TNRC18: variants seen among roughly 807,000 people sequenced by gnomAD.
The protein encoded by TNRC18 is trinucleotide repeat containing 18, also known as trinucleotide repeat-containing gene 18 protein.
A neutral mutation model predicts 226.7 loss-of-function variants in TNRC18; 69 were observed. The ratio of observed to expected loss-of-function variants is 0.30; its 90% confidence interval spans 0.25 to 0.37. TNRC18 has a LOEUF of 0.37. TNRC18 is among the 10% of genes least tolerant of loss of function. The probability of loss-of-function intolerance (pLI) is 1.00; values close to 1 mark genes in which losing one functional copy is unlikely to be tolerated. For synonymous variants in TNRC18, 2,449 were observed against 1,927.6 expected (o/e 1.27, Z -7.09); for missense variants, 4,754 against 4,256.6 (o/e 1.12, Z -3.25).
Position 5,389,057 on chromosome 7 carries a change from G to T in TNRC18, c.767C>A (p.Pro256Gln). ...GGGCGACAGGCGCTCAGCCAGGCGCGGGGGCCCCCGGTCCTGGCGGCCCTC... is the reference window on the plus strand; with the variant it reads ...GGGCGACAGGCGCTCAGCCAGGCGCTGGGGCCCCCGGTCCTGGCGGCCCTC... ...RAEGRQDRGP[P>Q]RLAERLSPFL... The change falls in exon 5 of 30, where the codon CCG becomes CAG. Residue 256 changes from proline to glutamine, a missense_variant. Pro to Gln is a moderately conservative substitution (Grantham distance 76, BLOSUM62 -1). Transcript: ENST00000430969. 1 of 1,283,420 alleles carries T rather than the reference G, an allele frequency of 7.8e-7. No homozygotes were observed. The highest frequency in any genetic ancestry group is 9.9e-7 in the Non-Finnish European group (1 of 1,006,660). The allele number at this position is 1,283,420 out of a possible 1,614,324, so 79.5% of individuals were successfully genotyped here. A position where few individuals can be genotyped will look rare whatever the true frequency, so the allele number is the denominator to read the frequency against.
chr7:5,414,922 C>T (rs1323189833), intron 2 of TNRC18, among the ~76,000 whole-genome samples: 1 of 152,248 alleles, frequency 6.6e-6, no homozygotes, highest in East Asian at 1.9e-4. Flanking sequence ...TTGCCTTTAG[C>T]AGTTGCATTT....
At position 5,314,972 on chromosome 7, in the gene TNRC18, A is replaced by G; in HGVS notation, c.7027+12T>C. 1 of 1,602,334 alleles carries G rather than the reference A, an allele frequency of 6.2e-7. No homozygotes were observed. On this transcript the variant is annotated intron_variant, in intron 26 of 29. Coordinates refer to ENST00000430969, the MANE Select transcript of TNRC18 (RefSeq NM_001080495.3). Reference sequence around the variant, plus strand: ...CGCCCACCGCCCTGCCCTGGGGACCAGGCCAACCTACCACCCTTGGCCTTG... The same window carrying G: ...CGCCCACCGCCCTGCCCTGGGGACCGGGCCAACCTACCACCCTTGGCCTTG...
At chr7:5,402,056 G>A (rs1017804274) in intron 2 of TNRC18, among the ~76,000 whole-genome samples, 1 of 151,806 alleles carries the variant, frequency 6.6e-6, no homozygotes, top group African/African-American at 2.4e-5. Context: ...GCGGGCCCCT[G>A]TAGTCCCAGC....
chr7:5,401,337 G>A (rs1023889213), intron 2 of TNRC18, among the ~76,000 whole-genome samples: 7 of 152,054 alleles, frequency 4.6e-5, no homozygotes, highest in Non-Finnish European at 8.8e-5. Context: ...GAGTAGCTCC[G>A]GCCCACCTCT....
chr7:5,355,027 G>T lies in TNRC18; in HGVS notation c.5194+1889C>A, dbSNP rs1319000998. ...CACACAGAACCAGGCAGCTGCCAATGCAAAAGCTCTCCACCCGCCCCAGGG... is the reference window on the plus strand; with the variant it reads ...CACACAGAACCAGGCAGCTGCCAATTCAAAAGCTCTCCACCCGCCCCAGGG... On this transcript the variant is annotated intron_variant, in intron 16 of 29. Transcript: ENST00000430969. Among the ~76,000 whole-genome samples the T allele has an allele frequency of 2.6e-5, 4 of 152,196 alleles. No individual in the cohort carries two copies. The East Asian group carries it at 7.7e-4, about 29-fold the overall frequency.
chr7:5,405,660 G>A (rs549114989), intron 2 of TNRC18, among the ~76,000 whole-genome samples: 25 of 151,926 alleles, frequency 1.6e-4, no homozygotes, highest in African/African-American at 5.5e-4. Context: ...GGAGAATCAC[G>A]TGAACCCAGG....
intron 24 of TNRC18, among the ~76,000 whole-genome samples, chr7:5,316,704 G>A (rs1239543867): frequency 1.3e-5 from 2 of 152,206 alleles, no homozygotes; most frequent in Admixed American, 1.3e-4. Context: ...CAACCCTGAA[G>A]GACACAAAGA....
At chr7:5,372,215 C>T (rs932570486) in intron 10 of TNRC18, among the ~76,000 whole-genome samples, 7 of 151,896 alleles carry the variant, frequency 4.6e-5, no homozygotes, top group Non-Finnish European at 4.4e-5. Flanking sequence ...CGACAGGCGC[C>T]CGCCACCATG....
chr7:5,356,838 G>GT, intron 16 of TNRC18, 78 bp downstream of exon 16: 1 of 1,430,924 alleles, frequency 7.0e-7, no homozygotes, highest in Non-Finnish European at 9.2e-7. Context: ...GGCGGGGGGG[G>GT]AAGGAGGACG....
chr7:5,318,956 C>T (rs1483608304), intron 24 of TNRC18, among the ~76,000 whole-genome samples: 1 of 152,144 alleles, frequency 6.6e-6, no homozygotes, highest in Non-Finnish European at 1.5e-5. Flanking sequence ...CTGCTTAAAA[C>T]AAGGAACTGA....
Position 5,370,605 on chromosome 7 carries a change from T to G in TNRC18, c.3989A>C (p.Gln1330Pro), listed in dbSNP as rs1216775416. 6.2e-7 allele frequency: 1 copy of G among 1,613,252 alleles called. No homozygotes were observed. The highest frequency in any genetic ancestry group is 1.3e-5 in the African/African-American group (1 of 74,944). ...TGGGTCCTCCAGACTGGGCAGGAAC[T>G]GGTCAGAGCTTGCCTCTTCCAGGAA... is the stretch of plus-strand genomic sequence containing the variant. ...TCFLEEASSD[Q>P]FLPSLEDPLA... Residue 1330 changes from glutamine to proline, a missense_variant, in exon 11 of 30, where the codon CAG becomes CCG. By Grantham distance (76) the Gln-to-Pro change is moderately conservative. Transcript: ENST00000430969.
intron 5 of TNRC18, among the ~76,000 whole-genome samples, chr7:5,380,545 G>A (rs751590728): frequency 1.6e-4 from 24 of 152,238 alleles, no homozygotes; most frequent in Non-Finnish European, 2.6e-4. Context: ...CCGAGTGTAC[G>A]GAGGGACAGC....
At position 5,308,209 on chromosome 7, in the gene TNRC18, G is replaced by A. The variant is rs1239104658; in HGVS notation, c.8804C>T (p.Thr2935Ile). ...GCCCTCGCTGTCCTGGTACTTCTTG[G>A]TCTTCAGCATCTGCTCATACTGCTC... ...GLEQYEQMLKTKKYQDSEGLY... is the reference protein window; with the variant it reads ...GLEQYEQMLKIKKYQDSEGLY... Residue 2935 changes from threonine (T) to isoleucine (I), a missense_variant, in exon 30 of 30, where the codon ACC becomes ATC. By Grantham distance (89) the Thr-to-Ile change is moderately conservative (BLOSUM62 -1). Transcript: ENST00000430969. 1.2e-6 allele frequency: 2 copies of A among 1,610,874 alleles called. No homozygotes were observed. The highest frequency in any genetic ancestry group is 1.7e-6 in the Non-Finnish European group (2 of 1,179,048).
At chr7:5,360,481 C>G (rs899115345) in intron 14 of TNRC18, among the ~76,000 whole-genome samples, 1 of 152,174 alleles carries the variant, frequency 6.6e-6, no homozygotes, top group Non-Finnish European at 1.5e-5. Context: ...CCGCCTGCCT[C>G]GGCCTCCTAA....
chr7:5,329,091 T>G (rs1053195179), intron 19 of TNRC18, among the ~76,000 whole-genome samples: 4 of 151,560 alleles, frequency 2.6e-5, no homozygotes, highest in African/African-American at 9.7e-5. Context: ...TCACCTGAGG[T>G]CAGGAGTTCG....
Position 5,374,284 on chromosome 7 carries a change from A to G in TNRC18, c.3000T>C (p.Pro1000=). 4.7e-6 allele frequency: 7 copies of G among 1,477,574 alleles called. No individual in the cohort carries two copies. Among genetic ancestry groups the G allele is most frequent in the Non-Finnish European group, 6.3e-6 (7 of 1,116,050 alleles). 91.5% of individuals were successfully genotyped at this position (1,477,574 alleles called of 1,614,324 possible). Residue 1000 remains proline (P), a synonymous_variant, in exon 10 of 30, where the codon CCT becomes CCC. Transcript: ENST00000430969. ...VSPPPSPRAS[P]VAALKAKVIQ... ...TGACCTTGGCCTTCAGGGCAGCCACAGGGGATGCGCGGGGTGATGGTGGCG... is the reference window on the plus strand; with the variant it reads ...TGACCTTGGCCTTCAGGGCAGCCACGGGGGATGCGCGGGGTGATGGTGGCG...
rs1792798481 is a variant in TNRC18 at position 5,359,421 on chromosome 7, C to T, written c.4810G>A (p.Ala1604Thr). ...ACCTGACTGATGAAGTCCGACGAGG[C>T]CTCATGTTCATCCCAAGTCTGGTTC... ...GRNQTWDEHE[A>T]SSDFISQLKI... Residue 1604 changes from alanine (A) to threonine (T), a missense_variant, in exon 15 of 30, where the codon GCC becomes ACC. Coordinates refer to ENST00000430969, the MANE Select transcript of TNRC18 (RefSeq NM_001080495.3). The T allele has an allele frequency of 3.7e-6, 6 of 1,614,030 alleles. No homozygotes were observed. Among genetic ancestry groups the T allele is most frequent in the Non-Finnish European group, 5.1e-6 (6 of 1,179,900 alleles).
In TNRC18 at chr7:5,345,659, G is replaced by T; in HGVS notation, c.5622C>A (p.Ser1874Arg). ...GLGLLARFAASALPSPTVGPS... is the reference protein window; with the variant it reads ...GLGLLARFAARALPSPTVGPS... The stretch of plus-strand genomic sequence containing the variant: ...GACCCACCGTGGGGCTGGGGAGGGC[G>T]CTGGCGGCGAAGCGTGCCAGCAGGC... The change falls in exon 18 of 30, where the codon AGC becomes AGA. Residue 1874 changes from serine (S) to arginine (R), a missense_variant. By Grantham distance (110) the Ser-to-Arg change is moderately radical (BLOSUM62 -1). Transcript: ENST00000430969. The T allele has an allele frequency of 6.4e-7, 1 of 1,553,478 alleles. No individual in the cohort carries two copies. Among genetic ancestry groups the T allele is most frequent in the Non-Finnish European group, 8.7e-7 (1 of 1,148,814 alleles).
intron 19 of TNRC18, among the ~76,000 whole-genome samples, chr7:5,327,735 T>C (rs893189994): frequency 3.9e-5 from 6 of 152,114 alleles, no homozygotes; most frequent in African/African-American, 9.7e-5. Flanking sequence ...TGCCTTCCCC[T>C]ACTTTTTTGT....
Sources: allele counts gnomAD v4.1 joint callset (sites outside exome capture counted in the v4.1 genomes callset), GRCh38; gene constraint gnomAD v4.1.1; transcripts MANE v1.5; gene names NCBI Gene and HGNC (gene_info 2026-07-23, HGNC 2026-07-21).